Variants in SDK1 observed in about 807,000 individuals in gnomAD.
SDK1 encodes sidekick cell adhesion molecule 1, also known as protein sidekick-1.
SDK1 carries 157 observed loss-of-function variants against 245.5 expected under a neutral mutation model. That is an observed-to-expected ratio of 0.64 (90% CI 0.56 to 0.73). The LOEUF (loss-of-function observed/expected upper bound fraction) is 0.73, where lower values mean the gene tolerates loss of function less well. Among genes scored for constraint, SDK1 ranks in the 30% least tolerant of loss-of-function variants. The probability of loss-of-function intolerance (pLI) is 0.00; values close to 1 mark genes in which losing one functional copy is unlikely to be tolerated. For missense variants in SDK1, 3,583 were observed against 3,002.3 expected (o/e 1.19, Z -4.52); for synonymous variants, 1,647 against 1,278.5 (o/e 1.29, Z -6.15).
At chr7:4,105,130 G>A (rs554177527) in intron 22 of SDK1, among the ~76,000 whole-genome samples, 2 of 152,098 alleles carry the variant, frequency 1.3e-5, no homozygotes, top group South Asian at 2.1e-4. Context: ...TTACAGGCAT[G>A]TGCCACCATG....
chr7:3,522,220 T>A (rs1410888089), intron 1 of SDK1, among the ~76,000 whole-genome samples: 1 of 152,182 alleles, frequency 6.6e-6, no homozygotes, highest in Non-Finnish European at 1.5e-5. Flanking sequence ...AGGCTTTCAG[T>A]GCTTCACATA....
rs944469957 is a variant in SDK1 at position 3,980,417 on chromosome 7, T to C, written c.1994+5872T>C. ...ACTGGGCTTCGCTTCCATTGTTCTCTGGGACCTCTTCCATTTATCAGCCTC... is the reference window on the plus strand; with the variant it reads ...ACTGGGCTTCGCTTCCATTGTTCTCCGGGACCTCTTCCATTTATCAGCCTC... On this transcript the variant is annotated intron_variant, in intron 13 of 44. Transcript: ENST00000404826. Among the ~76,000 whole-genome samples the C allele has an allele frequency of 3.3e-4, 50 of 152,248 alleles. 1 individual carries two copies. Among genetic ancestry groups the C allele is most frequent in the African/African-American group, 1.2e-3 (48 of 41,466 alleles).
At chr7:3,572,933 TTAGAA>T (rs1388675063) in intron 1 of SDK1, among the ~76,000 whole-genome samples, 7 of 152,014 alleles carry the variant, frequency 4.6e-5, no homozygotes, top group South Asian at 4.2e-4. Flanking sequence ...TAGGAATTGA[TTAGAA>T]TAGGAGGTGG....
intron 1 of SDK1, among the ~76,000 whole-genome samples, chr7:3,543,229 C>G (rs1044631404): frequency 6.6e-6 from 1 of 152,210 alleles, no homozygotes; most frequent in Non-Finnish European, 1.5e-5. Context: ...AGAGAACTTG[C>G]CATTGAAATG....
Position 4,049,883 on chromosome 7 carries a change from CT to C in SDK1, c.2718+422del, listed in dbSNP as rs141084953. 6.5e-3 allele frequency among the ~76,000 whole-genome samples: 989 copies of C among 152,300 alleles called. 5 individuals carry two copies. Among genetic ancestry groups the C allele is most frequent in the African/African-American group, 0.023 (968 of 41,560 alleles). ...GATAGTTTTCTCTCCTCCCTTTCTA[CT>C]TCAGGGAGAGTTCTGTTTAAAGAAC... On this transcript the variant is annotated intron_variant, in intron 18 of 44. Coordinates refer to ENST00000404826, the MANE Select transcript of SDK1 (RefSeq NM_152744.4).
chr7:3,605,870 A>G lies in SDK1; in HGVS notation c.299-13210A>G, dbSNP rs980831704. On this transcript the variant is annotated intron_variant, in intron 1 of 44. Coordinates refer to ENST00000404826, the MANE Select transcript of SDK1 (RefSeq NM_152744.4). ...AGTTGTTTTGGTTCATTTAATTTGT[A>G]TGTTTCATGTCTTTGACAAAAGTTT... Among the ~76,000 whole-genome samples the G allele has an allele frequency of 3.3e-5, 5 of 152,122 alleles. No individual in the cohort carries two copies. The South Asian group carries it at 8.3e-4, about 25-fold the overall frequency.
chr7:3,760,590 T>G (rs144241417), intron 4 of SDK1, among the ~76,000 whole-genome samples: 6 of 152,344 alleles, frequency 3.9e-5, no homozygotes, highest in Non-Finnish European at 7.3e-5. Flanking sequence ...TTCCTCAGAA[T>G]AATAGTTTTG....
At chr7:4,086,440 C>T (rs936773162) in intron 22 of SDK1, among the ~76,000 whole-genome samples, 39 of 152,154 alleles carry the variant, frequency 2.6e-4, no homozygotes, top group African/African-American at 9.2e-4. Flanking sequence ...CTTCCAGGGT[C>T]ATTCGGGTTG....
chr7:3,931,373 A>C (rs1459757767), intron 5 of SDK1, among the ~76,000 whole-genome samples: 1 of 152,192 alleles, frequency 6.6e-6, no homozygotes, highest in Admixed American at 6.5e-5. Flanking sequence ...TTCCTCTGCC[A>C]TGGTTTTAGA....
At chr7:4,048,548 CT>C (rs1789195429) in intron 17 of SDK1, among the ~76,000 whole-genome samples, 1 of 151,956 alleles carries the variant, frequency 6.6e-6, no homozygotes, top group African/African-American at 2.4e-5. Flanking sequence ...AACATTTTGC[CT>C]TTTCCCATGG....
At chr7:3,332,913 C>G (rs1210615218) in intron 1 of SDK1, among the ~76,000 whole-genome samples, 1 of 152,204 alleles carries the variant, frequency 6.6e-6, no homozygotes, top group African/African-American at 2.4e-5. Flanking sequence ...CAGCTTACCA[C>G]TTTGACATTA....
At chr7:3,548,624 C>T (rs1042590808) in intron 1 of SDK1, among the ~76,000 whole-genome samples, 5 of 152,112 alleles carry the variant, frequency 3.3e-5, no homozygotes, top group Non-Finnish European at 4.4e-5. Context: ...TTTGAGGGCA[C>T]CCAGGCTTTT....
intron 1 of SDK1, among the ~76,000 whole-genome samples, chr7:3,554,679 A>G (rs923737086): frequency 6.6e-6 from 1 of 152,220 alleles, no homozygotes; most frequent in African/African-American, 2.4e-5. Context: ...GATAGTCTTC[A>G]ATCACCTAGG....
Position 4,137,594 on chromosome 7 carries a change from C to A in SDK1, c.4228+5171C>A, listed in dbSNP as rs373236786. Among the ~76,000 whole-genome samples the A allele has an allele frequency of 4.6e-5, 7 of 152,334 alleles. No homozygotes were observed. In the East Asian group the frequency reaches 7.7e-4, roughly 17 times the overall value. On this transcript the variant is annotated intron_variant, in intron 28 of 44. Coordinates refer to ENST00000404826, the MANE Select transcript of SDK1 (RefSeq NM_152744.4). ...AGGCCTCTCACTTGATGTTTTTAAT[C>A]TTCCATTTGGATCAATGTGTCTCGT...
intron 14 of SDK1, among the ~76,000 whole-genome samples, chr7:4,005,298 G>A (rs574484174): frequency 6.6e-6 from 1 of 151,858 alleles, no homozygotes; most frequent in South Asian, 2.1e-4. Context: ...ACCTGCCTCG[G>A]CCTCCCAAAG....
chr7:4,259,188 C>T (rs895550466), intron 44 of SDK1, among the ~76,000 whole-genome samples: 3 of 152,284 alleles, frequency 2.0e-5, no homozygotes, highest in South Asian at 2.1e-4. Context: ...CCTGTAATCT[C>T]GGCACTTTGG....
chr7:3,574,112 A>AT (rs992264249), intron 1 of SDK1, among the ~76,000 whole-genome samples: 133 of 144,960 alleles, frequency 9.2e-4, no homozygotes, highest in South Asian at 3.8e-3. Context: ...CATATACCTG[A>AT]TTTTTTTTTT....
chr7:3,951,949 C>A, intron 7 of SDK1, 29 bp downstream of exon 7: 1 of 1,590,096 alleles, frequency 6.3e-7, no homozygotes, highest in Non-Finnish European at 8.6e-7. Flanking sequence ...AGTGGTGTTG[C>A]CAGCATCTCA....
At chr7:4,237,582 C>CG in intron 41 of SDK1, 65 bp from the exon 42 acceptor site, 1 of 1,593,304 alleles carries the variant, frequency 6.3e-7, no homozygotes. Flanking sequence ...CCACCTGACT[C>CG]GCGGGAGGTG....
Sources: gnomAD v4.1 joint callset for allele counts (sites outside exome capture counted in the v4.1 genomes callset) on GRCh38, gnomAD v4.1.1 for gene constraint, MANE v1.5 for transcripts, NCBI Gene and HGNC (gene_info 2026-07-23, HGNC 2026-07-21) for gene names.